AIG1: variants seen among roughly 807,000 people sequenced by gnomAD.
The protein encoded by AIG1 is androgen induced 1.
In AIG1, 23 loss-of-function variants were observed where a neutral mutation model predicts 31.4. The ratio of observed to expected loss-of-function variants is 0.73; its 90% CI spans 0.53 to 1.04. AIG1 has a LOEUF of 1.04. AIG1 is among the 50% of genes least tolerant of loss of function. The pLI is 0.00. For missense variants in AIG1, 274 were observed against 295.0 expected, an observed-to-expected ratio of 0.93 and a Z score of 0.52; for synonymous variants, 100 against 110.5, an observed-to-expected ratio of 0.90 and a Z score of 0.60.
intron 1 of AIG1, among the ~76,000 whole-genome samples, chr6:143,083,866 G>C (rs1212578580): frequency 1.3e-5 from 2 of 152,160 alleles, no homozygotes; most frequent in African/African-American, 2.4e-5. Context: ...GACAACAAAC[G>C]TGTGTTCCTT....
At chr6:143,270,415 C>T (rs1303186346) in intron 3 of AIG1, among the ~76,000 whole-genome samples, 2 of 152,218 alleles carry the variant, frequency 1.3e-5, no homozygotes, top group East Asian at 1.9e-4. Context: ...CCTTTCTCCA[C>T]CTATTACCTA....
At chr6:143,194,429 A>G (rs1029263088) in intron 3 of AIG1, among the ~76,000 whole-genome samples, 2 of 152,172 alleles carry the variant, frequency 1.3e-5, no homozygotes, top group Admixed American at 6.5e-5. Flanking sequence ...ATTCCAGATG[A>G]GATTTGGGTG....
Position 143,187,548 on chromosome 6 carries a change from A to G in AIG1, c.399+22365A>G. The G allele has an allele frequency of 2.6e-6, 4 of 1,536,062 alleles. No homozygotes were observed. The South Asian group carries it at 4.8e-5, about 18-fold the overall frequency. On this transcript the variant is annotated intron_variant, in intron 3 of 5. Transcript: ENST00000357847. ...GTTTTTCACACTGGGTAGGCCTGTA[A>G]TATTTGCATAAAAATATGAAAAGCA...
At chr6:143,195,105 G>A (rs1303884146) in intron 3 of AIG1, among the ~76,000 whole-genome samples, 1 of 152,188 alleles carries the variant, frequency 6.6e-6, no homozygotes, top group African/African-American at 2.4e-5. Flanking sequence ...GGAAATTAAA[G>A]CTCCTTGGAA....
chr6:143,102,333 CA>C (rs1189752795), intron 1 of AIG1, among the ~76,000 whole-genome samples: 5 of 148,940 alleles, frequency 3.4e-5, no homozygotes, highest in Non-Finnish European at 4.5e-5. Context: ...AAAAAACAAA[CA>C]AAAAAAACAC....
intron 3 of AIG1, among the ~76,000 whole-genome samples, chr6:143,226,180 C>A (rs1346087186): frequency 6.6e-6 from 1 of 151,936 alleles, no homozygotes; most frequent in Non-Finnish European, 1.5e-5. Flanking sequence ...TGACAAGAGT[C>A]ACATCTGTTC....
intron 3 of AIG1, among the ~76,000 whole-genome samples, chr6:143,273,823 C>G (rs1796709421): frequency 6.6e-6 from 1 of 152,128 alleles, no homozygotes; most frequent in South Asian, 2.1e-4. Context: ...CAGGACCCTC[C>G]CAAACACATG....
chr6:143,226,479 C>T (rs1297394638), intron 3 of AIG1, among the ~76,000 whole-genome samples: 9 of 151,758 alleles, frequency 5.9e-5, no homozygotes, highest in South Asian at 2.1e-4. Flanking sequence ...CTCTTGACCT[C>T]GTGATCCACC....
At chr6:143,088,565 C>T (rs1014797056) in intron 1 of AIG1, among the ~76,000 whole-genome samples, 4 of 152,180 alleles carry the variant, frequency 2.6e-5, no homozygotes, top group African/African-American at 7.2e-5. Context: ...GAGAGTATCA[C>T]TTCTAGGCCT....
chr6:143,231,877 C>T (rs1467163236), intron 3 of AIG1, among the ~76,000 whole-genome samples: 2 of 152,056 alleles, frequency 1.3e-5, no homozygotes, highest in Non-Finnish European at 2.9e-5. Context: ...GGAGGAAAAG[C>T]CCAGAATACT....
downstream of AIG1, chr6:143,342,986 T>C (rs1777885440): frequency 2.0e-6 from 2 of 982,788 alleles, no homozygotes; most frequent in Non-Finnish European, 3.3e-6. Flanking sequence ...TTCATGGCAG[T>C]GTACCTATCT....
rs1486853237 is a variant in AIG1, at chr6:143,292,505, G to A, written c.515+8280G>A. ...GGAACAAGGGCCCCCTCTAGAAGCC[G>A]AAAAAGGCAAGGAAAGGGATTCTCC... is the stretch of plus-strand genomic sequence containing the variant. On this transcript the variant is annotated intron_variant, in intron 4 of 5. Coordinates refer to ENST00000357847, the MANE Select transcript of AIG1 (RefSeq NM_016108.4). This position sits in a 1 kb window ranked among gnomAD's most constrained non-coding sequence, Gnocchi z 4.9. 6.6e-6 allele frequency among the ~76,000 whole-genome samples: 1 copy of A among 152,090 alleles called. No homozygotes were observed. The highest frequency in any genetic ancestry group is 2.4e-5 in the African/African-American group (1 of 41,412).
chr6:143,235,550 GC>G (rs1396564600), intron 3 of AIG1, among the ~76,000 whole-genome samples: 15 of 152,140 alleles, frequency 9.9e-5, no homozygotes, highest in African/African-American at 3.6e-4. Flanking sequence ...GCCTTTTTCT[GC>G]TAAATGCCTC....
At chr6:143,163,316 G>A (rs1483102446) in intron 2 of AIG1, among the ~76,000 whole-genome samples, 1 of 152,180 alleles carries the variant, frequency 6.6e-6, no homozygotes, top group Admixed American at 6.5e-5. Context: ...CTTTAGGTGT[G>A]ATAAGTCATG....
chr6:143,096,376 G>T (rs1779796190), intron 1 of AIG1, among the ~76,000 whole-genome samples: 1 of 152,170 alleles, frequency 6.6e-6, no homozygotes, highest in Admixed American at 6.5e-5. Flanking sequence ...CTGTTTACAT[G>T]AATGAATATA....
At chr6:143,104,900 A>G (rs1384665643) in intron 1 of AIG1, among the ~76,000 whole-genome samples, 2 of 151,742 alleles carry the variant, frequency 1.3e-5, no homozygotes, top group African/African-American at 4.9e-5. Flanking sequence ...CCGTGTCTCA[A>G]AAAAAGAAAA....
At position 143,288,994 on chromosome 6, in the gene AIG1, A is replaced by G. The variant is rs1437471450; in HGVS notation, c.515+4769A>G. Among the ~76,000 whole-genome samples, 1 of 152,172 alleles carries G rather than the reference A, an allele frequency of 6.6e-6. No homozygotes were observed. The highest frequency in any genetic ancestry group is 3.2e-3 in the Middle Eastern group (1 of 316). ...GTCAGTAGAAAGAAATGCTTGAGTT[A>G]AGATAAGGGAGGTTGTGGAGACCAA... On this transcript the variant is annotated intron_variant, in intron 4 of 5. Transcript: ENST00000357847. The surrounding 1 kb of genome is among the most constrained non-coding windows in gnomAD (Gnocchi z 4.4).
chr6:143,128,547 G>C (rs1030323223), intron 1 of AIG1, among the ~76,000 whole-genome samples: 2 of 152,242 alleles, frequency 1.3e-5, no homozygotes, highest in African/African-American at 4.8e-5. Context: ...GTATATGTGT[G>C]TCATGCTGAG....
At chr6:143,322,881 G>A (rs1776331619) in intron 4 of AIG1, among the ~76,000 whole-genome samples, 1 of 152,212 alleles carries the variant, frequency 6.6e-6, no homozygotes, top group Non-Finnish European at 1.5e-5. Flanking sequence ...TCTTGCATGT[G>A]AGAAGTACAG....
Sources: allele counts gnomAD v4.1 joint callset (sites outside exome capture counted in the v4.1 genomes callset), GRCh38; gene constraint gnomAD v4.1.1; non-coding constraint Gnocchi (gnomAD v3.1); transcripts MANE v1.5; gene names NCBI Gene and HGNC (gene_info 2026-07-23, HGNC 2026-07-21).